Variants in SPPL3 observed in about 807,000 individuals in gnomAD.
The protein encoded by SPPL3 is signal peptide peptidase like 3.
Under a neutral mutation model 42.4 loss-of-function variants are expected in SPPL3, and 5 were observed. The observed-to-expected ratio is 0.12, with a 90% CI of 0.06 to 0.25. SPPL3 has a LOEUF of 0.25. SPPL3 is among the 10% of genes least tolerant of loss of function. SPPL3 has a pLI of 1.00. For synonymous variants in SPPL3, 195 were observed against 181.8 expected, an observed-to-expected ratio of 1.07 and a Z score of -0.58; for missense variants, 235 against 489.0, an observed-to-expected ratio of 0.48 and a Z score of 4.90.
rs1212190124 is a variant in SPPL3, at chr12:120,852,691, A to G, written c.24-41805T>C. 2.2e-4 allele frequency among the ~76,000 whole-genome samples: 5 copies of G among 22,470 alleles called. 1 individual carries two copies. In the East Asian group the frequency reaches 4.5e-3, roughly 20 times the overall value. 14.7% of individuals were successfully genotyped at this position (22,470 alleles called of 152,430 possible). ...TATATGAAATATATGCATATATAAT[A>G]TACATATTTTACATATATGAAATAT... is the stretch of plus-strand genomic sequence containing the variant. On this transcript the variant is annotated intron_variant, in intron 1 of 10. Coordinates refer to ENST00000353487, the MANE Select transcript of SPPL3 (RefSeq NM_139015.5).
chr12:120,793,839 G>GT (rs1207470285), intron 2 of SPPL3, among the ~76,000 whole-genome samples: 1 of 152,206 alleles, frequency 6.6e-6, no homozygotes, highest in Non-Finnish European at 1.5e-5. Flanking sequence ...GTCTGCATTA[G>GT]TAAATATTCC....
intron 1 of SPPL3, among the ~76,000 whole-genome samples, chr12:120,897,718 G>A (rs116857793): frequency 7.2e-4 from 109 of 152,184 alleles, no homozygotes; most frequent in Non-Finnish European, 1.2e-3. Context: ...GCGAGACTCC[G>A]TCTCAAAAAA....
At chr12:120,858,148 A>G (rs1872518469) in intron 1 of SPPL3, among the ~76,000 whole-genome samples, 1 of 152,226 alleles carries the variant, frequency 6.6e-6, no homozygotes, top group Non-Finnish European at 1.5e-5. Context: ...AAAAACTGTA[A>G]CACAATATTA....
intron 6 of SPPL3, among the ~76,000 whole-genome samples, chr12:120,780,260 G>A (rs1245352234): frequency 1.3e-5 from 2 of 150,172 alleles, no homozygotes; most frequent in Non-Finnish European, 3.0e-5. Flanking sequence ...AGGAGTTCAA[G>A]ACCAGCCTGG....
At chr12:120,855,108 C>T (rs923188579) in intron 1 of SPPL3, among the ~76,000 whole-genome samples, 3 of 152,018 alleles carry the variant, frequency 2.0e-5, no homozygotes, top group African/African-American at 7.2e-5. Flanking sequence ...CGTTTCTTCT[C>T]CTTGTATGGA....
Position 120,765,028 on chromosome 12 carries a change from A to G in SPPL3, c.1126T>C (p.Ser376Pro). 6.2e-7 allele frequency: 1 copy of G among 1,613,964 alleles called. No homozygotes were observed. The highest frequency in any genetic ancestry group is 8.5e-7 in the Non-Finnish European group (1 of 1,179,948). ...RMWSEPFHSK[S>P]SSSRFLEV Reference sequence around the variant, plus strand: ...ACTTCCAGGAATCGGGAGCTGCTGGACTTGGAGTGGAAAGGCTCAGACCAC... The same window carrying G: ...ACTTCCAGGAATCGGGAGCTGCTGGGCTTGGAGTGGAAAGGCTCAGACCAC... The change falls in exon 11 of 11, where the codon TCC becomes CCC. Residue 376 changes from serine to proline, a missense_variant. Coordinates refer to ENST00000353487, the MANE Select transcript of SPPL3 (RefSeq NM_139015.5).
chr12:120,820,508 G>A (rs1365048696), intron 1 of SPPL3, among the ~76,000 whole-genome samples: 3 of 151,722 alleles, frequency 2.0e-5, no homozygotes, highest in Non-Finnish European at 4.4e-5. Context: ...AGTAGAGACG[G>A]GGTTTCACCG....
chr12:120,774,471 C>T lies in SPPL3; in HGVS notation c.503-5412G>A, dbSNP rs1263960288. 3.9e-5 allele frequency among the ~76,000 whole-genome samples: 6 copies of T among 152,210 alleles called. No individual in the cohort carries two copies. The East Asian group carries it at 5.8e-4, about 15-fold the overall frequency. On this transcript the variant is annotated intron_variant, in intron 6 of 10. Transcript: ENST00000353487. ...GGCTCTGCCTTGGCATCTGTCTGAACGGGTTCCTATTCCTCAGCCTATCCC... is the reference window on the plus strand; with the variant it reads ...GGCTCTGCCTTGGCATCTGTCTGAATGGGTTCCTATTCCTCAGCCTATCCC...
At position 120,851,262 on chromosome 12, in the gene SPPL3, C is replaced by T. The variant is rs182875958; in HGVS notation, c.24-40376G>A. 2.3e-4 allele frequency among the ~76,000 whole-genome samples: 35 copies of T among 152,328 alleles called. 1 individual carries two copies. The East Asian group carries it at 6.4e-3, about 28-fold the overall frequency. Reference sequence around the variant, plus strand: ...CCCTAGAGACCATGTAGCAGCAGCACATACCACTTCTCCTCCACCAGGCTG... The same window carrying T: ...CCCTAGAGACCATGTAGCAGCAGCATATACCACTTCTCCTCCACCAGGCTG... On this transcript the variant is annotated intron_variant, in intron 1 of 10. Transcript: ENST00000353487.
intron 3 of SPPL3, among the ~76,000 whole-genome samples, chr12:120,789,280 C>G (rs1722812258): frequency 6.6e-6 from 1 of 150,954 alleles, no homozygotes; most frequent in Non-Finnish European, 1.5e-5. Flanking sequence ...ATGGTGAAAC[C>G]CCATCTCTAC....
At chr12:120,900,399 C>A (rs1287702192) in intron 1 of SPPL3, among the ~76,000 whole-genome samples, 1 of 151,194 alleles carries the variant, frequency 6.6e-6, no homozygotes, top group Non-Finnish European at 1.5e-5. Context: ...ATCACTTGGG[C>A]TGAGTTCAAG....
chr12:120,820,427 T>C (rs1871027025), intron 1 of SPPL3, among the ~76,000 whole-genome samples: 1 of 149,756 alleles, frequency 6.7e-6, no homozygotes, highest in Non-Finnish European at 1.5e-5. Flanking sequence ...GCCATTCTCC[T>C]GCCTCAGCCT....
chr12:120,765,908 C>T (rs540945625), intron 10 of SPPL3, among the ~76,000 whole-genome samples: 25 of 152,256 alleles, frequency 1.6e-4, no homozygotes, highest in East Asian at 1.9e-4. Context: ...CAAACTTTAA[C>T]GTAGTGTTAA....
chr12:120,895,708 T>C (rs556040516), intron 1 of SPPL3, among the ~76,000 whole-genome samples: 1 of 151,858 alleles, frequency 6.6e-6, no homozygotes, highest in Non-Finnish European at 1.5e-5. Flanking sequence ...CGGAGCACTT[T>C]GCAATGCATG....
rs112178601 is a variant in SPPL3 at position 120,855,694 on chromosome 12, C to CAAA, written c.24-44811_24-44809dup. On this transcript the variant is annotated intron_variant, in intron 1 of 10. Coordinates refer to ENST00000353487, the MANE Select transcript of SPPL3 (RefSeq NM_139015.5). ...TGGGCAGCTGAGCAAGACTCCATCTCAAAAAAAAAAAAGAAAAGAAAAGAA... is the reference window on the plus strand; with the variant it reads ...TGGGCAGCTGAGCAAGACTCCATCTCAAAAAAAAAAAAAAAGAAAAGAAAAGAA... 2.5e-3 allele frequency among the ~76,000 whole-genome samples: 349 copies of CAAA among 138,410 alleles called. 2 individuals carry two copies. Among genetic ancestry groups the CAAA allele is most frequent in the East Asian group, 1.0e-2 (49 of 4,914 alleles). 90.8% of individuals were successfully genotyped at this position (138,410 alleles called of 152,430 possible).
intron 1 of SPPL3, among the ~76,000 whole-genome samples, chr12:120,861,085 A>T (rs182645045): frequency 1.3e-5 from 2 of 152,186 alleles, no homozygotes; most frequent in Non-Finnish European, 2.9e-5. Flanking sequence ...CTGTTTTACC[A>T]TATTGTTTTC....
chr12:120,800,433 G>C (rs909874687), intron 2 of SPPL3, among the ~76,000 whole-genome samples: 2 of 152,088 alleles, frequency 1.3e-5, no homozygotes, highest in African/African-American at 4.8e-5. Flanking sequence ...AACCCGGGAG[G>C]TGGAGGTTGC....
chr12:120,834,605 T>C (rs1566055734), intron 1 of SPPL3, among the ~76,000 whole-genome samples: 1 of 152,198 alleles, frequency 6.6e-6, no homozygotes, highest in Non-Finnish European at 1.5e-5. Context: ...GTCGCCATAC[T>C]CCTTCTGCAA....
chr12:120,897,234 T>C (rs146839637), intron 1 of SPPL3, among the ~76,000 whole-genome samples: 139 of 152,306 alleles, frequency 9.1e-4, no homozygotes, highest in Middle Eastern at 3.4e-3. Context: ...AAATTGATAG[T>C]ACTACCTGAT....
Sources: allele counts gnomAD v4.1 joint callset (sites outside exome capture counted in the v4.1 genomes callset), GRCh38; gene constraint gnomAD v4.1.1; transcripts MANE v1.5; gene names NCBI Gene and HGNC (gene_info 2026-07-23, HGNC 2026-07-21).